ARHGEF17: variants seen among roughly 807,000 people sequenced by gnomAD.
The protein encoded by ARHGEF17 is Rho guanine nucleotide exchange factor 17.
In ARHGEF17, 80 loss-of-function variants were observed where a neutral mutation model predicts 174.0. The ratio of observed to expected loss-of-function variants is 0.46; its 90% CI spans 0.38 to 0.55. ARHGEF17 has a LOEUF of 0.55. Among genes scored for constraint, ARHGEF17 ranks in the 20% least tolerant of loss-of-function variants. The pLI, the probability that ARHGEF17 is intolerant of heterozygous loss-of-function variation, is 0.00. For synonymous variants in ARHGEF17, 1,311 were observed against 1,189.1 expected, an observed-to-expected ratio of 1.10 and a Z score of -2.11; for missense variants, 2,886 against 2,839.7, an observed-to-expected ratio of 1.02 and a Z score of -0.37.
rs1245860087 is a variant in ARHGEF17, at chr11:73,365,261, A to G, written c.5551-129A>G. On this transcript the variant is annotated intron_variant, in intron 18 of 20. Transcript: ENST00000263674. The surrounding 1 kb of genome is among the most constrained non-coding windows in gnomAD (Gnocchi z 4.9). The stretch of plus-strand genomic sequence containing the variant: ...AGGTGCTGGTGAAACCAAGCTTCGA[A>G]AGGTTAATCAGACCAAGGACCAACG... 28 of 1,036,942 alleles carry G rather than the reference A, an allele frequency of 2.7e-5. No homozygotes were observed. The highest frequency in any genetic ancestry group is 3.2e-5 in the African/African-American group (2 of 62,582). The allele number at this position is 1,036,942 out of a possible 1,614,324, so 64.2% of individuals were successfully genotyped here. A position where few individuals can be genotyped will look rare whatever the true frequency, so the allele number is the denominator to read the frequency against.
Position 73,310,958 on chromosome 11 carries a change from G to A in ARHGEF17, c.2320G>A (p.Ala774Thr), listed in dbSNP as rs1267756308. ...SPKTGLPATS[A>T]MDEGLTSGHS... ...CAAGACAGGGCTCCCTGCCACCTCA[G>A]CCATGGATGAGGGCTTGACCAGTGG... The change falls in exon 1 of 21, where the codon GCC (alanine) becomes ACC (threonine). Residue 774 changes from alanine to threonine, a missense_variant. By Grantham distance (58) the Ala-to-Thr change is moderately conservative (BLOSUM62 0). Coordinates refer to ENST00000263674, the MANE Select transcript of ARHGEF17 (RefSeq NM_014786.4). 6.2e-7 allele frequency: 1 copy of A among 1,614,186 alleles called. No homozygotes were observed. Among genetic ancestry groups the A allele is most frequent in the South Asian group, 1.1e-5 (1 of 91,086 alleles).
In ARHGEF17 at chr11:73,310,230, G is replaced by A. The variant is rs1290501676; in HGVS notation, c.1592G>A (p.Arg531His). ...CCAGCCCCAGCATCACCTGGCACGC[G>A]CCCCACACTCAAGGACTTGACAGCC... ...PIPAPASPGT[R>H]PTLKDLTATL... Residue 531 changes from arginine (R) to histidine (H), a missense_variant, in exon 1 of 21, where the codon CGC becomes CAC. By Grantham distance (29) the Arg-to-His change is conservative (BLOSUM62 0). Around this residue, in one of 4 missense-constraint regions of ARHGEF17, gnomAD observed 1,728 missense variants for 1,461.2 expected, o/e 1.18. Coordinates refer to ENST00000263674, the MANE Select transcript of ARHGEF17 (RefSeq NM_014786.4). 4 of 1,613,864 alleles carry A rather than the reference G, an allele frequency of 2.5e-6. No homozygotes were observed. Among genetic ancestry groups the A allele is most frequent in the East Asian group, 2.2e-5 (1 of 44,894 alleles).
At chr11:73,329,823 C>T (rs1591733225) in intron 1 of ARHGEF17, among the ~76,000 whole-genome samples, 1 of 152,264 alleles carries the variant, frequency 6.6e-6, no homozygotes, top group East Asian at 1.9e-4. Context: ...AGTGAACAAG[C>T]TTGTTTGTAG....
intron 12 of ARHGEF17, 137 bp from the exon 13 acceptor site, chr11:73,361,903 A>C (rs1382253515): frequency 1.0e-6 from 1 of 953,780 alleles, no homozygotes; most frequent in East Asian, 2.7e-5. Context: ...GCGTGTGTAG[A>C]AGGGTGTATA....
intron 1 of ARHGEF17, among the ~76,000 whole-genome samples, chr11:73,338,981 T>C (rs766907829): frequency 2.7e-4 from 41 of 152,162 alleles, no homozygotes; most frequent in Non-Finnish European, 4.9e-4. Context: ...ACAGCATTAG[T>C]GGTGTGGCAA....
At chr11:73,314,491 CA>C (rs898659496) in intron 1 of ARHGEF17, among the ~76,000 whole-genome samples, 2 of 152,192 alleles carry the variant, frequency 1.3e-5, no homozygotes, top group African/African-American at 4.8e-5. Flanking sequence ...TCAGTTTTCC[CA>C]TCTGTACAGT....
chr11:73,341,605 C>G (rs1865370119), intron 1 of ARHGEF17, among the ~76,000 whole-genome samples: 1 of 152,202 alleles, frequency 6.6e-6, no homozygotes, highest in African/African-American at 2.4e-5. Context: ...AGCTACCGCG[C>G]CCGCCCGAAA....
chr11:73,310,483 C>T lies in ARHGEF17; in HGVS notation c.1845C>T (p.Ala615=), dbSNP rs756651626. ...MGAQQDDGSD[A]PPGSPDWAGD... ...CCCAACAAGATGATGGAAGCGATGC[C>T]CCCCCTGGAAGCCCTGACTGGGCAG... The change falls in exon 1 of 21, where the codon GCC becomes GCT. Residue 615 remains alanine (A), a synonymous_variant. Coordinates refer to ENST00000263674, the MANE Select transcript of ARHGEF17 (RefSeq NM_014786.4). 21 of 1,613,858 alleles carry T rather than the reference C, an allele frequency of 1.3e-5. No individual in the cohort carries two copies. Among genetic ancestry groups the T allele is most frequent in the South Asian group, 3.3e-5 (3 of 91,088 alleles).
chr11:73,368,495 T>G lies in ARHGEF17; in HGVS notation c.*715T>G, dbSNP rs1865879457. 6.6e-6 allele frequency: 1 copy of G among 152,214 alleles called. No individual in the cohort carries two copies. The highest frequency in any genetic ancestry group is 6.5e-5 in the Admixed American group (1 of 15,286). The allele number at this position is 152,214 out of a possible 1,614,324, so 9.4% of individuals were successfully genotyped here. On this transcript the variant is annotated 3_prime_UTR_variant, in exon 21 of 21. Transcript: ENST00000263674. The stretch of plus-strand genomic sequence containing the variant: ...ATGCTGACTATTAGGGGGCAGTGAT[T>G]GCCATCTGGGGACCTGTCAGGCTTT...
In ARHGEF17 at chr11:73,363,272, C is replaced by T. The variant is rs1160992608; in HGVS notation, c.5063C>T (p.Pro1688Leu). 6.2e-7 allele frequency: 1 copy of T among 1,610,474 alleles called. No homozygotes were observed. Among genetic ancestry groups the T allele is most frequent in the East Asian group, 2.2e-5 (1 of 44,814 alleles). ...ACCAGCTCAGAGGAGGAGCAGGAGC[C>T]AGGCTTCCTGCCACTGTCTGGCTCC... ...ETTSSEEEQE[P>L]GFLPLSGSFG... The change falls in exon 15 of 21, where the codon CCA becomes CTA. Residue 1688 changes from proline (P) to leucine (L), a missense_variant. Around this residue, in one of 4 missense-constraint regions of ARHGEF17, gnomAD observed 476 missense variants for 473.1 expected, o/e 1.01. Coordinates refer to ENST00000263674, the MANE Select transcript of ARHGEF17 (RefSeq NM_014786.4).
intron 14 of ARHGEF17, 117 bp from the exon 15 acceptor site, chr11:73,363,089 A>G: frequency 7.3e-7 from 1 of 1,367,746 alleles, no homozygotes; most frequent in Non-Finnish European, 9.7e-7. Flanking sequence ...GCCGGGGAAG[A>G]ACAGCTTTGA....
chr11:73,317,466 G>A (rs1263350113), intron 1 of ARHGEF17, among the ~76,000 whole-genome samples: 1 of 152,228 alleles, frequency 6.6e-6, no homozygotes, highest in Non-Finnish European at 1.5e-5. Context: ...CTCCCAGACC[G>A]TACATTGGTC....
Position 73,309,153 on chromosome 11 carries a change from C to T in ARHGEF17, c.515C>T (p.Pro172Leu), listed in dbSNP as rs770119586. 4 of 1,586,648 alleles carry T rather than the reference C, an allele frequency of 2.5e-6. No individual in the cohort carries two copies. Among genetic ancestry groups the T allele is most frequent in the African/African-American group, 1.4e-5 (1 of 72,194 alleles). ...GAGTCGCGGCAGCCACCGACGCCAC[C>T]CCCTCGGACATGCTTCCCCCTGGCG... ...ARESRQPPTP[P>L]PRTCFPLAGL... The change falls in exon 1 of 21, where the codon CCC becomes CTC. Residue 172 changes from proline to leucine, a missense_variant. Transcript: ENST00000263674.
In ARHGEF17 at chr11:73,309,220, A is replaced by G; in HGVS notation, c.582A>G (p.Glu194=). ...SARPLTGPET[E]GRLRRPQQQQ... The stretch of plus-strand genomic sequence containing the variant: ...GGCCCCTGACCGGGCCGGAGACCGA[A>G]GGGAGGCTGCGCCGGCCGCAGCAGC... Residue 194 remains glutamate (E), a synonymous_variant, in exon 1 of 21, where the codon GAA becomes GAG. Transcript: ENST00000263674. 1 of 1,600,342 alleles carries G rather than the reference A, an allele frequency of 6.2e-7. No individual in the cohort carries two copies. Among genetic ancestry groups the G allele is most frequent in the South Asian group, 1.1e-5 (1 of 90,076 alleles).
chr11:73,343,715 C>T (rs1161495009), intron 1 of ARHGEF17, among the ~76,000 whole-genome samples: 1 of 152,028 alleles, frequency 6.6e-6, no homozygotes, highest in Non-Finnish European at 1.5e-5. Context: ...GGAACAGCAG[C>T]GTCCCCGTTC....
In ARHGEF17 at chr11:73,329,357, A is replaced by T. The variant is rs1477763828; in HGVS notation, c.3193-17526A>T. ...TATATATATATATATATATATATAT[A>T]TATATATATATATATATTTTTTTTT... is the stretch of plus-strand genomic sequence containing the variant. On this transcript the variant is annotated intron_variant, in intron 1 of 20. Transcript: ENST00000263674. Among the ~76,000 whole-genome samples, 14 of 4,116 alleles carry T rather than the reference A, an allele frequency of 3.4e-3. 1 individual carries two copies. Among genetic ancestry groups the T allele is most frequent in the African/African-American group, 9.0e-3 (9 of 1,000 alleles). The allele number at this position is 4,116 out of a possible 152,430, so 2.7% of individuals were successfully genotyped here.
At position 73,362,832 on chromosome 11, in the gene ARHGEF17, C is replaced by T. The variant is rs1268100577; in HGVS notation, c.4996+98C>T. On this transcript the variant is annotated intron_variant, in intron 14 of 20. Transcript: ENST00000263674. ...GGACCAGTGTAGGGCAAAGGCATGG[C>T]GTCAGACCTCAGGATGTTAGCACAC... is the stretch of plus-strand genomic sequence containing the variant. 3.6e-6 allele frequency: 5 copies of T among 1,408,172 alleles called. No homozygotes were observed. The African/African-American group carries it at 4.3e-5, about 12-fold the overall frequency. 87.2% of individuals were successfully genotyped at this position (1,408,172 alleles called of 1,614,324 possible).
chr11:73,353,606 C>T (rs192516326), intron 3 of ARHGEF17, among the ~76,000 whole-genome samples: 20 of 152,236 alleles, frequency 1.3e-4, no homozygotes, highest in African/African-American at 4.3e-4. Flanking sequence ...GATTGGTAAC[C>T]TGATGAAAGT....
chr11:73,315,221 A>G (rs922973322), intron 1 of ARHGEF17, among the ~76,000 whole-genome samples: 1 of 152,198 alleles, frequency 6.6e-6, no homozygotes, highest in Non-Finnish European at 1.5e-5. Flanking sequence ...TGTCACCTCC[A>G]CATCCCCAAC....
Sources: allele counts gnomAD v4.1 joint callset (sites outside exome capture counted in the v4.1 genomes callset), GRCh38; gene constraint gnomAD v4.1.1; regional missense constraint gnomAD v4.1.1; non-coding constraint Gnocchi (gnomAD v3.1); transcripts MANE v1.5; gene names NCBI Gene and HGNC (gene_info 2026-07-23, HGNC 2026-07-21).